The following AUTS2 variants were observed in gnomAD, a reference collection of about 807,000 sequenced individuals.
AUTS2 encodes the protein autism susceptibility gene 2 protein.
Under a neutral mutation model 112.4 loss-of-function variants are expected in AUTS2, and 17 were observed. The observed-to-expected ratio is 0.15, with a 90% CI of 0.10 to 0.23. AUTS2 has a LOEUF of 0.23. Among genes scored for constraint, AUTS2 ranks in the 10% least tolerant of loss-of-function variants. The pLI is 1.00. For synonymous variants in AUTS2, 751 were observed against 702.7 expected (o/e 1.07, Z -1.09); for missense variants, 1,510 against 1,701.6 (o/e 0.89, Z 1.98).
intron 4 of AUTS2, among the ~76,000 whole-genome samples, chr7:70,139,142 T>C (rs1057130182): frequency 1.3e-5 from 2 of 152,130 alleles, no homozygotes; most frequent in Non-Finnish European, 2.9e-5. Context: ...AATTTTTGTA[T>C]TTTTTGTAGA....
At chr7:69,871,366 A>G (rs1377505269) in intron 1 of AUTS2, among the ~76,000 whole-genome samples, 1 of 152,142 alleles carries the variant, frequency 6.6e-6, no homozygotes, top group African/African-American at 2.4e-5. Context: ...TAACACACTT[A>G]TAGGGTAGTC....
intron 2 of AUTS2, among the ~76,000 whole-genome samples, chr7:69,924,816 G>T (rs1233971379): frequency 1.3e-5 from 2 of 152,144 alleles, no homozygotes; most frequent in African/African-American, 2.4e-5. Context: ...CTCCCAAAGT[G>T]CTGGGATTAC....
In AUTS2 at chr7:69,731,579, C is replaced by G. The variant is rs375239372; in HGVS notation, c.309+131617C>G. On this transcript the variant is annotated intron_variant, in intron 1 of 18. Transcript: ENST00000342771. ...TGTATAACATTTATGACCTACAGAG[C>G]CCTTTCACATGCTGTTTCTTATTTG... Among the ~76,000 whole-genome samples, 6 of 152,232 alleles carry G rather than the reference C, an allele frequency of 3.9e-5. No homozygotes were observed. In the East Asian group the frequency reaches 9.7e-4, roughly 25 times the overall value.
chr7:70,323,843 A>G (rs1175672938), intron 4 of AUTS2, among the ~76,000 whole-genome samples: 1 of 152,238 alleles, frequency 6.6e-6, no homozygotes, highest in African/African-American at 2.4e-5. Flanking sequence ...GTAATTGAAC[A>G]TGTCCTATTG....
At chr7:69,840,240 C>T (rs747176195) in intron 1 of AUTS2, among the ~76,000 whole-genome samples, 1 of 152,088 alleles carries the variant, frequency 6.6e-6, no homozygotes, top group Admixed American at 6.6e-5. Context: ...TTCCAAAAAG[C>T]GTTTCTCAGA....
chr7:69,987,592 T>C (rs911822171), intron 2 of AUTS2, among the ~76,000 whole-genome samples: 1 of 152,132 alleles, frequency 6.6e-6, no homozygotes, highest in Admixed American at 6.5e-5. Flanking sequence ...TCAGTGTCTC[T>C]GTAGCCGGGA....
intron 5 of AUTS2, among the ~76,000 whole-genome samples, chr7:70,565,522 A>G (rs1286202422): frequency 1.3e-5 from 2 of 152,162 alleles, no homozygotes; most frequent in African/African-American, 4.8e-5. Context: ...CTACAAAAAA[A>G]TACAAAAATT....
At chr7:70,110,156 C>T (rs1439814317) in intron 2 of AUTS2, among the ~76,000 whole-genome samples, 1 of 152,188 alleles carries the variant, frequency 6.6e-6, no homozygotes, top group Non-Finnish European at 1.5e-5. Flanking sequence ...TCTTGATTTT[C>T]TTAACTGCTT....
intron 6 of AUTS2, among the ~76,000 whole-genome samples, chr7:70,756,339 G>C (rs548563698): frequency 2.6e-4 from 39 of 152,304 alleles, no homozygotes; most frequent in African/African-American, 9.1e-4. Context: ...CACCCTAGGA[G>C]GTTGTTACTG....
chr7:70,392,302 T>C (rs1282552102), intron 4 of AUTS2, among the ~76,000 whole-genome samples: 2 of 152,292 alleles, frequency 1.3e-5, no homozygotes, highest in African/African-American at 4.8e-5. Context: ...AACTCATCCA[T>C]GATGAGCAAG....
At chr7:69,979,583 A>G (rs1798208682) in intron 2 of AUTS2, among the ~76,000 whole-genome samples, 1 of 152,250 alleles carries the variant, frequency 6.6e-6, no homozygotes, top group Non-Finnish European at 1.5e-5. Flanking sequence ...TGGAAATAAA[A>G]GATGCAGCCA....
intron 4 of AUTS2, among the ~76,000 whole-genome samples, chr7:70,423,019 A>C (rs1293176798): frequency 6.6e-6 from 1 of 152,136 alleles, no homozygotes. Flanking sequence ...AAACTCTGAG[A>C]TACTGTCAAG....
In AUTS2 at chr7:70,412,187, G is replaced by A. The variant is rs11975921; in HGVS notation, c.661-23565G>A. Among the ~76,000 whole-genome samples, 1,400 of 152,134 alleles carry A rather than the reference G, an allele frequency of 9.2e-3. 27 individuals carry two copies. The highest frequency in any genetic ancestry group is 0.032 in the African/African-American group (1,332 of 41,512). On this transcript the variant is annotated intron_variant, in intron 4 of 18. Coordinates refer to ENST00000342771, the MANE Select transcript of AUTS2 (RefSeq NM_015570.4). The stretch of plus-strand genomic sequence containing the variant: ...TGGGATTACAGGTGTGAGCCACCAT[G>A]CCCCGCCAAACTCTTTCCTTTGGTG...
intron 1 of AUTS2, among the ~76,000 whole-genome samples, chr7:69,782,223 C>T (rs1246928193): frequency 6.6e-6 from 1 of 152,000 alleles, no homozygotes; most frequent in Non-Finnish European, 1.5e-5. Flanking sequence ...ATCAGCTGGG[C>T]GTGGTGGTGT....
intron 1 of AUTS2, among the ~76,000 whole-genome samples, chr7:69,876,343 AAAAAAAATATATAT>A (rs1211014845): frequency 1.2e-5 from 1 of 80,592 alleles, no homozygotes; most frequent in African/African-American, 5.1e-5. Flanking sequence ...AAAAAAAAAA[AAAAAAAATATATAT>A]ATATATATAT....
intron 4 of AUTS2, among the ~76,000 whole-genome samples, chr7:70,209,252 TA>T (rs1810732666): frequency 6.6e-6 from 1 of 152,164 alleles, no homozygotes; most frequent in South Asian, 2.1e-4. Context: ...TCCAGGAGTT[TA>T]GCTTGAGCAG....
intron 3 of AUTS2, among the ~76,000 whole-genome samples, chr7:70,131,126 A>G (rs1489723734): frequency 6.6e-6 from 1 of 152,084 alleles, no homozygotes; most frequent in Non-Finnish European, 1.5e-5. Context: ...GTCTCCAAGC[A>G]AAAAAATGGA....
intron 4 of AUTS2, among the ~76,000 whole-genome samples, chr7:70,142,724 T>C (rs1448037118): frequency 6.6e-6 from 1 of 152,204 alleles, no homozygotes; most frequent in Non-Finnish European, 1.5e-5. Flanking sequence ...GCACAGTGCA[T>C]TGACAGTCCC....
intron 4 of AUTS2, among the ~76,000 whole-genome samples, chr7:70,155,586 G>T (rs549411937): frequency 6.6e-6 from 1 of 151,696 alleles, no homozygotes; most frequent in Admixed American, 6.6e-5. Context: ...CTCGGTATCC[G>T]TCTCTGGCCA....
Sources: gnomAD v4.1 joint callset for allele counts (sites outside exome capture counted in the v4.1 genomes callset) on GRCh38, gnomAD v4.1.1 for gene constraint, MANE v1.5 for transcripts, NCBI Gene and HGNC (gene_info 2026-07-23, HGNC 2026-07-21) for gene names.